SORCS1: variants seen among roughly 807,000 people sequenced by gnomAD.
SORCS1 encodes the protein VPS10 domain-containing receptor SorCS1.
In SORCS1, 60 loss-of-function variants were observed where a neutral mutation model predicts 146.1. That is an observed-to-expected ratio of 0.41 (90% CI 0.33 to 0.51). SORCS1 has a LOEUF of 0.51. Ranked by LOEUF, SORCS1 falls within the 20% of genes least tolerant of loss-of-function variation. SORCS1 has a pLI of 0.21. For missense variants in SORCS1, 1,352 were observed against 1,487.6 expected, an observed-to-expected ratio of 0.91 and a Z score of 1.50; for synonymous variants, 637 against 584.0, an observed-to-expected ratio of 1.09 and a Z score of -1.31.
intron 5 of SORCS1, among the ~76,000 whole-genome samples, chr10:106,747,154 C>A (rs978327040): frequency 1.3e-5 from 2 of 152,218 alleles, no homozygotes; most frequent in African/African-American, 4.8e-5. Flanking sequence ...CTGTCCCTCA[C>A]CCCAGGGCAC....
Position 106,577,163 on chromosome 10 carries a change from GTTTATAT to G in SORCS1, c.*250_*256del, listed in dbSNP as rs1230123663. The G allele has an allele frequency of 3.6e-6, 5 of 1,377,902 alleles. No individual in the cohort carries two copies. Among genetic ancestry groups the G allele is most frequent in the African/African-American group, 1.5e-5 (1 of 68,382 alleles). The allele number at this position is 1,377,902 out of a possible 1,614,324, so 85.4% of individuals were successfully genotyped here. A position where few individuals can be genotyped will look rare whatever the true frequency, so the allele number is the denominator to read the frequency against. On this transcript the variant is annotated 3_prime_UTR_variant, in exon 26 of 26. Coordinates refer to ENST00000263054, the MANE Select transcript of SORCS1 (RefSeq NM_052918.5). Reference sequence around the variant, plus strand: ...TTGTTTGTTTGTTTGGATTTTGATTGTTTATATTTTATGTTTTGTTTTGTTTTTGTTT... The same window carrying G: ...TTGTTTGTTTGTTTGGATTTTGATTGTTTATGTTTTGTTTTGTTTTTGTTT...
intron 1 of SORCS1, among the ~76,000 whole-genome samples, chr10:107,016,069 AAAT>A (rs1957884989): frequency 6.6e-6 from 1 of 152,204 alleles, no homozygotes; most frequent in Non-Finnish European, 1.5e-5. Flanking sequence ...AGAATGTCAT[AAAT>A]AATAAAAATT....
At position 106,730,125 on chromosome 10, in the gene SORCS1, GAGA is replaced by G; in HGVS notation, c.960-14_960-12del. 6.2e-7 allele frequency: 1 copy of G among 1,613,936 alleles called. No individual in the cohort carries two copies. The highest frequency in any genetic ancestry group is 8.5e-7 in the Non-Finnish European group (1 of 1,179,904). On this transcript the variant is annotated splice_polypyrimidine_tract_variant and intron_variant, in intron 5 of 25. Transcript: ENST00000263054. ...GACCCCATCACAGACCTAAAAAATG[GAGA>G]AACATGAAAAGAAACATCCATATTA... is the stretch of plus-strand genomic sequence containing the variant.
intron 3 of SORCS1, among the ~76,000 whole-genome samples, chr10:106,806,160 G>C (rs1947157705): frequency 6.6e-6 from 1 of 150,576 alleles, no homozygotes; most frequent in Non-Finnish European, 1.5e-5. Flanking sequence ...ACGAGGTCAA[G>C]AGATCGAGAT....
rs143218401 is a variant in SORCS1, at chr10:106,970,543, T to C, written c.559-13963A>G. Among the ~76,000 whole-genome samples the C allele has an allele frequency of 9.8e-3, 1,488 of 152,134 alleles. 12 individuals are homozygous for C. The highest frequency in any genetic ancestry group is 0.034 in the African/African-American group (1,407 of 41,498). ...TAGTAGAGATGACAGGGTTTCGCCA[T>C]GTTGGCCAGGCTGGTCTTGGACTCC... On this transcript the variant is annotated intron_variant, in intron 1 of 25. Coordinates refer to ENST00000263054, the MANE Select transcript of SORCS1 (RefSeq NM_052918.5).
At chr10:106,956,022 C>A (rs543762468) in intron 2 of SORCS1, among the ~76,000 whole-genome samples, 2 of 151,628 alleles carry the variant, frequency 1.3e-5, no homozygotes, top group South Asian at 4.2e-4. Context: ...CCCAGCTACT[C>A]GGGAGGCTGA....
Position 107,164,657 on chromosome 10 carries a change from G to A in SORCS1, c.-131C>T. On this transcript the variant is annotated 5_prime_UTR_variant, in exon 1 of 26. Transcript: ENST00000263054. This position sits in a 1 kb window ranked among gnomAD's most constrained non-coding sequence, Gnocchi z 6.8. The stretch of plus-strand genomic sequence containing the variant: ...CCAAGTTGCGCCGCGGTGGGGGCGG[G>A]CGGAGGCGGCGCCGGGCAGGTGGCG... The A allele has an allele frequency of 1.4e-6, 1 of 701,368 alleles. No individual in the cohort carries two copies. The highest frequency in any genetic ancestry group is 2.0e-6 in the Non-Finnish European group (1 of 502,032). The allele number at this position is 701,368 out of a possible 1,614,324, so 43.4% of individuals were successfully genotyped here.
intron 2 of SORCS1, among the ~76,000 whole-genome samples, chr10:106,870,088 C>T (rs917767487): frequency 6.6e-6 from 1 of 152,070 alleles, no homozygotes; most frequent in African/African-American, 2.4e-5. Context: ...CAATCCAATT[C>T]ACAACTGCCA....
At chr10:107,052,889 T>C (rs17121996) in intron 1 of SORCS1, among the ~76,000 whole-genome samples, 1,622 of 152,314 alleles carry the variant, frequency 0.011, 15 homozygotes, top group South Asian at 0.028. Flanking sequence ...TTTCTCATTG[T>C]GTTCCATAGA....
At chr10:106,622,915 C>T (rs2133518494) in intron 19 of SORCS1, among the ~76,000 whole-genome samples, 1 of 152,312 alleles carries the variant, frequency 6.6e-6, no homozygotes, top group African/African-American at 2.4e-5. Flanking sequence ...GAGTTGCTGC[C>T]TCCTCATCAG....
chr10:107,093,489 A>C (rs1474887363), intron 1 of SORCS1, among the ~76,000 whole-genome samples: 1 of 152,134 alleles, frequency 6.6e-6, no homozygotes, highest in African/African-American at 2.4e-5. Flanking sequence ...CCTGGCCAAC[A>C]CAGTGAAACC....
rs189719539 is a variant in SORCS1 at position 106,965,148 on chromosome 10, T to C, written c.559-8568A>G. Among the ~76,000 whole-genome samples the C allele has an allele frequency of 5.5e-4, 83 of 152,132 alleles. 1 individual carries two copies. Among genetic ancestry groups the C allele is most frequent in the Middle Eastern group, 3.4e-3 (1 of 294 alleles). ...CAGCACTCAGTGCTACTTACCCTCA[T>C]GTTTGCAAAGTGGTCATAACACTTC... On this transcript the variant is annotated intron_variant, in intron 1 of 25. Transcript: ENST00000263054.
intron 18 of SORCS1, among the ~76,000 whole-genome samples, chr10:106,647,614 AAC>A (rs1849545763): frequency 6.6e-6 from 1 of 152,234 alleles, no homozygotes; most frequent in South Asian, 2.1e-4. Flanking sequence ...GCGTGAAATG[AAC>A]AGTTTTTCAA....
At chr10:106,765,761 T>G (rs528770695) in intron 4 of SORCS1, among the ~76,000 whole-genome samples, 1 of 151,828 alleles carries the variant, frequency 6.6e-6, no homozygotes, top group African/African-American at 2.4e-5. Flanking sequence ...CCTAGAAGAG[T>G]GACAACTTGC....
At chr10:106,944,224 C>T (rs1305743136) in intron 2 of SORCS1, among the ~76,000 whole-genome samples, 1 of 152,158 alleles carries the variant, frequency 6.6e-6, no homozygotes, top group Non-Finnish European at 1.5e-5. Flanking sequence ...CTTTTACTTG[C>T]CCCAGACCTT....
At chr10:106,615,275 C>A (rs1187173574) in intron 21 of SORCS1, among the ~76,000 whole-genome samples, 1 of 152,172 alleles carries the variant, frequency 6.6e-6, no homozygotes, top group East Asian at 1.9e-4. Context: ...GATAGCACCC[C>A]TCCCTATCTC....
intron 9 of SORCS1, among the ~76,000 whole-genome samples, chr10:106,690,516 G>C (rs1340860679): frequency 1.3e-5 from 2 of 152,214 alleles, no homozygotes; most frequent in Non-Finnish European, 2.9e-5. Context: ...TTGATTCGCA[G>C]AAGTGGCGAC....
At chr10:106,697,805 C>T (rs1185036762) in intron 9 of SORCS1, among the ~76,000 whole-genome samples, 2 of 152,124 alleles carry the variant, frequency 1.3e-5, no homozygotes, top group African/African-American at 4.8e-5. Context: ...ATACAAGTGG[C>T]ATCGCTAGGA....
At chr10:107,068,515 C>T (rs966381600) in intron 1 of SORCS1, among the ~76,000 whole-genome samples, 2 of 152,152 alleles carry the variant, frequency 1.3e-5, no homozygotes, top group African/African-American at 4.8e-5. Flanking sequence ...ACTAGCATTA[C>T]TTCAGGCATA....
Sources: allele counts gnomAD v4.1 joint callset (sites outside exome capture counted in the v4.1 genomes callset), GRCh38; gene constraint gnomAD v4.1.1; non-coding constraint Gnocchi (gnomAD v3.1); transcripts MANE v1.5; gene names NCBI Gene and HGNC (gene_info 2026-07-23, HGNC 2026-07-21).